The following CNTN5 variants were observed in gnomAD, a reference collection of about 807,000 sequenced individuals.
The protein encoded by CNTN5 is contactin 5, also known as contactin-5.
In CNTN5, 77 loss-of-function variants were observed where a neutral mutation model predicts 129.1. That is an observed-to-expected ratio of 0.60 (90% CI 0.50 to 0.72). CNTN5 has a LOEUF of 0.72. Among genes scored for constraint, CNTN5 ranks in the 30% least tolerant of loss-of-function variants. The pLI, the probability that CNTN5 is intolerant of heterozygous loss-of-function variation, is 0.00. For synonymous variants in CNTN5, 509 were observed against 465.6 expected (o/e 1.09, Z -1.20); for missense variants, 1,478 against 1,328.8 (o/e 1.11, Z -1.75).
intron 13 of CNTN5, among the ~76,000 whole-genome samples, chr11:100,110,110 C>A (rs1945594147): frequency 6.6e-6 from 1 of 151,300 alleles, no homozygotes; most frequent in Non-Finnish European, 1.5e-5. Flanking sequence ...TGGCTTGAGC[C>A]CAGTGGGTGG....
intron 1 of CNTN5, among the ~76,000 whole-genome samples, chr11:99,025,978 AATT>A (rs1425067206): frequency 2.0e-5 from 3 of 151,824 alleles, no homozygotes; most frequent in Non-Finnish European, 4.4e-5. Flanking sequence ...ACTTACTTTC[AATT>A]ATGCAATATT....
intron 3 of CNTN5, among the ~76,000 whole-genome samples, chr11:99,734,977 C>T (rs1349618832): frequency 1.3e-5 from 2 of 151,808 alleles, no homozygotes; most frequent in Non-Finnish European, 2.9e-5. Flanking sequence ...CACTGCAGTC[C>T]GCCCTGGGGG....
At chr11:99,451,555 G>C (rs1236143575) in intron 2 of CNTN5, among the ~76,000 whole-genome samples, 2 of 152,082 alleles carry the variant, frequency 1.3e-5, no homozygotes, top group African/African-American at 4.8e-5. Flanking sequence ...ATGAGTGACA[G>C]AGTTTTCTTA....
chr11:100,107,855 T>A (rs1945504864), intron 13 of CNTN5, among the ~76,000 whole-genome samples: 1 of 152,070 alleles, frequency 6.6e-6, no homozygotes, highest in South Asian at 2.1e-4. Context: ...TATAGATATA[T>A]GTATGCATGT....
chr11:99,808,522 T>G (rs1332067405), intron 3 of CNTN5, among the ~76,000 whole-genome samples: 1 of 152,218 alleles, frequency 6.6e-6, no homozygotes, highest in Admixed American at 6.5e-5. Flanking sequence ...CATTTACTCC[T>G]GCATGTGCCT....
intron 1 of CNTN5, among the ~76,000 whole-genome samples, chr11:99,074,594 C>T (rs1350865926): frequency 6.6e-6 from 1 of 152,138 alleles, no homozygotes; most frequent in East Asian, 1.9e-4. Flanking sequence ...ACTTCAGCCT[C>T]CCAAATTGCT....
intron 3 of CNTN5, among the ~76,000 whole-genome samples, chr11:99,718,367 A>T (rs78586021): frequency 6.6e-6 from 1 of 151,954 alleles, no homozygotes; most frequent in Non-Finnish European, 1.5e-5. Context: ...AATTTGTCTT[A>T]GCAGCAGCAT....
chr11:99,054,722 C>T (rs1864562420), intron 1 of CNTN5, among the ~76,000 whole-genome samples: 1 of 151,750 alleles, frequency 6.6e-6, no homozygotes, highest in Admixed American at 6.6e-5. Flanking sequence ...CTTACCTCAT[C>T]ACCATGGTCA....
chr11:99,238,379 G>T (rs114791353), intron 1 of CNTN5, among the ~76,000 whole-genome samples: 2 of 152,088 alleles, frequency 1.3e-5, no homozygotes, highest in African/African-American at 2.4e-5. Flanking sequence ...AATGCAATCT[G>T]AACCTACACA....
At chr11:100,337,663 G>T in intron 21 of CNTN5, 1 of 643,066 alleles carries the variant, frequency 1.6e-6, no homozygotes, top group African/African-American at 1.8e-5. Flanking sequence ...TTTACAGCTG[G>T]ACCTAGCTTC....
chr11:99,394,133 T>C (rs1344370596), intron 2 of CNTN5, among the ~76,000 whole-genome samples: 1 of 151,674 alleles, frequency 6.6e-6, no homozygotes, highest in African/African-American at 2.4e-5. Context: ...TGAAACGTAT[T>C]CCTCAGGAGA....
At chr11:100,043,918 G>T (rs186661020) in intron 9 of CNTN5, among the ~76,000 whole-genome samples, 67 of 152,132 alleles carry the variant, frequency 4.4e-4, no homozygotes, top group African/African-American at 1.5e-3. Context: ...AATTCAAGGG[G>T]TACAAGTGCA....
chr11:99,837,059 G>C (rs2135648801), intron 4 of CNTN5, among the ~76,000 whole-genome samples: 1 of 152,158 alleles, frequency 6.6e-6, no homozygotes, highest in East Asian at 1.9e-4. Context: ...TTTATGACTT[G>C]TATCTTGTGC....
intron 15 of CNTN5, 84 bp downstream of exon 15, chr11:100,193,747 T>A: frequency 8.6e-7 from 1 of 1,159,392 alleles, no homozygotes; most frequent in Non-Finnish European, 1.2e-6. Flanking sequence ...AGCTATGAAG[T>A]GCTAAGAAAA....
intron 2 of CNTN5, among the ~76,000 whole-genome samples, chr11:99,332,384 T>C (rs1866036833): frequency 6.6e-6 from 1 of 152,126 alleles, no homozygotes; most frequent in Non-Finnish European, 1.5e-5. Flanking sequence ...TTTTATTTTC[T>C]ATACAATAAT....
chr11:99,037,576 C>CTTTTTTT (rs1161467398), intron 1 of CNTN5, among the ~76,000 whole-genome samples: 64 of 105,620 alleles, frequency 6.1e-4, no homozygotes, highest in Non-Finnish European at 9.3e-4. Flanking sequence ...TTTTTCTTTT[C>CTTTTTTT]TTTTTTTTTT....
At chr11:100,003,964 T>C (rs961176937) in intron 9 of CNTN5, 1 of 152,142 alleles carries the variant, frequency 6.6e-6, no homozygotes, top group African/African-American at 2.4e-5. Flanking sequence ...CTTATGAAAA[T>C]AAACAAGATC....
intron 6 of CNTN5, among the ~76,000 whole-genome samples, chr11:99,907,171 A>G (rs1435800100): frequency 6.6e-6 from 1 of 151,852 alleles, no homozygotes; most frequent in Non-Finnish European, 1.5e-5. Context: ...TAGCTTTTGA[A>G]TTTGTTTGCT....
At chr11:99,320,981 A>G (rs1465759861) in intron 1 of CNTN5, among the ~76,000 whole-genome samples, 1 of 152,156 alleles carries the variant, frequency 6.6e-6, no homozygotes, top group East Asian at 1.9e-4. Context: ...TGTGAGTAAG[A>G]GGGAATGTCT....
Sources: gnomAD v4.1 joint callset for allele counts (sites outside exome capture counted in the v4.1 genomes callset) on GRCh38, gnomAD v4.1.1 for gene constraint, MANE v1.5 for transcripts, NCBI Gene and HGNC (gene_info 2026-07-23, HGNC 2026-07-21) for gene names.